PDE4B: variants seen among roughly 807,000 people sequenced by gnomAD.
PDE4B encodes the protein 3',5'-cyclic-AMP phosphodiesterase 4B.
In PDE4B, 20 loss-of-function variants were observed where a neutral mutation model predicts 82.2. The ratio of observed to expected loss-of-function variants is 0.24; its 90% CI spans 0.17 to 0.35. The LOEUF (loss-of-function observed/expected upper bound fraction) is 0.35, where lower values mean the gene tolerates loss of function less well. PDE4B is among the 10% of genes least tolerant of loss of function. PDE4B has a pLI of 1.00. For missense variants in PDE4B, 655 were observed against 907.2 expected (o/e 0.72, Z 3.57); for synonymous variants, 320 against 318.9 (o/e 1.00, Z -0.04).
chr1:66,169,193 C>A (rs1646792637), intron 3 of PDE4B, among the ~76,000 whole-genome samples: 1 of 152,192 alleles, frequency 6.6e-6, no homozygotes, highest in Non-Finnish European at 1.5e-5. Context: ...ATTTGTCACT[C>A]TGGGAAATGC....
chr1:66,084,874 T>C (rs544600606), intron 3 of PDE4B, among the ~76,000 whole-genome samples: 1 of 152,270 alleles, frequency 6.6e-6, no homozygotes, highest in East Asian at 1.9e-4. Flanking sequence ...ACAGGCATAG[T>C]TCTTGTTTTG....
At chr1:66,336,315 G>A (rs761511556) in intron 8 of PDE4B, among the ~76,000 whole-genome samples, 8 of 152,308 alleles carry the variant, frequency 5.3e-5, no homozygotes, top group Non-Finnish European at 7.4e-5. Context: ...CCAGGGAGGC[G>A]TAATTGTGAC....
At chr1:66,159,551 T>G (rs866399797) in intron 3 of PDE4B, among the ~76,000 whole-genome samples, 1 of 152,118 alleles carries the variant, frequency 6.6e-6, no homozygotes, top group African/African-American at 2.4e-5. Context: ...AAAATAAAAC[T>G]TTTTTAAAAA....
At chr1:66,250,678 T>A (rs1366978104) in intron 4 of PDE4B, among the ~76,000 whole-genome samples, 2 of 152,156 alleles carry the variant, frequency 1.3e-5, no homozygotes, top group Non-Finnish European at 1.5e-5. Flanking sequence ...GTTGTAGTCA[T>A]CCCAAACGTA....
At chr1:65,928,938 C>T (rs989004053) in intron 3 of PDE4B, among the ~76,000 whole-genome samples, 3 of 152,188 alleles carry the variant, frequency 2.0e-5, no homozygotes, top group Non-Finnish European at 4.4e-5. Flanking sequence ...TTAATAAATT[C>T]GGCCTGATCC....
chr1:65,977,846 T>C (rs2100643965), intron 3 of PDE4B, among the ~76,000 whole-genome samples: 1 of 152,270 alleles, frequency 6.6e-6, no homozygotes, highest in South Asian at 2.1e-4. Context: ...TAACTGTGTA[T>C]AAAAGCTGTG....
At chr1:65,935,476 G>A (rs1339171011) in intron 3 of PDE4B, among the ~76,000 whole-genome samples, 3 of 151,946 alleles carry the variant, frequency 2.0e-5, no homozygotes, top group African/African-American at 4.8e-5. Flanking sequence ...GGCCTAGGAT[G>A]TTACTATACA....
At chr1:66,014,047 C>T (rs1406438226) in intron 3 of PDE4B, among the ~76,000 whole-genome samples, 15 of 151,108 alleles carry the variant, frequency 9.9e-5, no homozygotes. Context: ...CCTAATGATT[C>T]GTGATGTTGA....
chr1:66,300,672 A>C (rs1389428990), intron 7 of PDE4B, among the ~76,000 whole-genome samples: 1 of 152,132 alleles, frequency 6.6e-6, no homozygotes, highest in East Asian at 1.9e-4. Context: ...TGTGACTACA[A>C]AGATGAATTG....
At chr1:65,885,855 T>A (rs986607615) in intron 1 of PDE4B, among the ~76,000 whole-genome samples, 2 of 141,376 alleles carry the variant, frequency 1.4e-5, no homozygotes, top group African/African-American at 2.7e-5. Context: ...AAACTTAACG[T>A]ATAATAATAA....
chr1:66,152,691 C>A (rs1269229232), intron 3 of PDE4B, among the ~76,000 whole-genome samples: 2 of 150,674 alleles, frequency 1.3e-5, no homozygotes, highest in East Asian at 2.0e-4. Flanking sequence ...TTGTAAGGAA[C>A]CAGCTCACAT....
At chr1:66,068,212 A>G (rs1201381229) in intron 3 of PDE4B, among the ~76,000 whole-genome samples, 1 of 152,116 alleles carries the variant, frequency 6.6e-6, no homozygotes, top group East Asian at 1.9e-4. Flanking sequence ...TTGGAGAACT[A>G]TCCCTGAAGG....
intron 3 of PDE4B, among the ~76,000 whole-genome samples, chr1:66,190,299 G>A (rs1419222138): frequency 1.3e-5 from 2 of 152,192 alleles, no homozygotes; most frequent in Non-Finnish European, 2.9e-5. Flanking sequence ...ACTTGAGGAG[G>A]CAGTCTGTCC....
intron 3 of PDE4B, among the ~76,000 whole-genome samples, chr1:66,064,823 A>T (rs1298234942): frequency 6.6e-6 from 1 of 151,944 alleles, no homozygotes; most frequent in Non-Finnish European, 1.5e-5. Flanking sequence ...ATTCTGAATG[A>T]GCTTTATGTC....
chr1:66,313,628 C>T (rs973260649), intron 7 of PDE4B, among the ~76,000 whole-genome samples: 3 of 152,214 alleles, frequency 2.0e-5, no homozygotes, highest in Non-Finnish European at 2.9e-5. Flanking sequence ...AGCTTGCACC[C>T]TGCAGAGTTG....
chr1:66,306,342 C>T (rs1013864558), intron 7 of PDE4B, among the ~76,000 whole-genome samples: 9 of 152,020 alleles, frequency 5.9e-5, no homozygotes, highest in Admixed American at 1.3e-4. Context: ...CAATCTGATG[C>T]GGTGTAAAAA....
At chr1:66,269,374 G>A (rs1375514468) in intron 7 of PDE4B, among the ~76,000 whole-genome samples, 2 of 152,134 alleles carry the variant, frequency 1.3e-5, no homozygotes, top group African/African-American at 2.4e-5. Context: ...GGAGAAAGAC[G>A]CAGTAAATCC....
chr1:66,227,206 A>G (rs1365101660), intron 3 of PDE4B, among the ~76,000 whole-genome samples: 1 of 152,194 alleles, frequency 6.6e-6, no homozygotes, highest in Non-Finnish European at 1.5e-5. Flanking sequence ...TAGGCACTGG[A>G]TATATGAGTC....
intron 3 of PDE4B, among the ~76,000 whole-genome samples, chr1:66,190,260 C>T (rs1242843321): frequency 6.6e-6 from 1 of 152,220 alleles, no homozygotes; most frequent in Non-Finnish European, 1.5e-5. Flanking sequence ...GGGTGCCTCC[C>T]AGTTAGGCTA....
Sources: allele counts gnomAD v4.1 joint callset (sites outside exome capture counted in the v4.1 genomes callset), GRCh38; gene constraint gnomAD v4.1.1; transcripts MANE v1.5; gene names NCBI Gene and HGNC (gene_info 2026-07-23, HGNC 2026-07-21).